The following IQSEC1 variants were observed in gnomAD, a reference collection of about 807,000 sequenced individuals.
The protein encoded by IQSEC1 is IQ motif and SEC7 domain-containing protein 1.
IQSEC1 carries 31 observed loss-of-function variants against 91.0 expected under a neutral mutation model. The ratio of observed to expected loss-of-function variants is 0.34; its 90% CI spans 0.26 to 0.46. The LOEUF (loss-of-function observed/expected upper bound fraction) is 0.46, where lower values mean the gene tolerates loss of function less well. IQSEC1 is among the 20% of genes least tolerant of loss of function. The pLI is 1.00. For missense variants in IQSEC1, 1,388 were observed against 1,575.6 expected (o/e 0.88, Z 2.02); for synonymous variants, 699 against 662.6 (o/e 1.05, Z -0.84).
At chr3:12,984,388 A>C (rs1190441207) in intron 1 of IQSEC1, among the ~76,000 whole-genome samples, 2 of 152,182 alleles carry the variant, frequency 1.3e-5, no homozygotes, top group Non-Finnish European at 2.9e-5. Flanking sequence ...ATACAGCCCC[A>C]CAGGCCCAGG....
In IQSEC1 at chr3:12,924,117, G is replaced by T. The variant is rs1696895558; in HGVS notation, c.1730+464C>A. On this transcript the variant is annotated intron_variant, in intron 4 of 13. Transcript: ENST00000613206. This position sits in a 1 kb window ranked among gnomAD's most constrained non-coding sequence, Gnocchi z 6.3. ...ATCTGACTCCCCACCACTCTCCCCA[G>T]GGGTGAGTCAGGAGCAAACAGGGCA... Among the ~76,000 whole-genome samples, 1 of 152,196 alleles carries T rather than the reference G, an allele frequency of 6.6e-6. No homozygotes were observed. The highest frequency in any genetic ancestry group is 1.5e-5 in the Non-Finnish European group (1 of 68,036).
chr3:13,135,796 C>T (rs767103283), intron 2 of IQSEC1, among the ~76,000 whole-genome samples: 3 of 152,284 alleles, frequency 2.0e-5, no homozygotes, highest in African/African-American at 7.2e-5. Flanking sequence ...CTGGGTCAGC[C>T]AGCAGAGCCA....
intron 2 of IQSEC1, among the ~76,000 whole-genome samples, chr3:13,146,193 C>A (rs1052919732): frequency 3.3e-5 from 5 of 151,696 alleles, no homozygotes; most frequent in Non-Finnish European, 5.9e-5. Flanking sequence ...GGCTATGTTG[C>A]CCAGGCTGGT....
intron 1 of IQSEC1, among the ~76,000 whole-genome samples, chr3:13,268,146 CCT>C (rs1695529430): frequency 6.6e-6 from 1 of 152,204 alleles, no homozygotes. Context: ...AATGCACACC[CCT>C]GAGCAGAGCC....
chr3:13,001,922 G>C (rs1449708365), intron 1 of IQSEC1, among the ~76,000 whole-genome samples: 1 of 152,102 alleles, frequency 6.6e-6, no homozygotes, highest in African/African-American at 2.4e-5. Flanking sequence ...AGCCAGGCGT[G>C]GTGGTGTGCA....
chr3:13,229,337 T>C (rs1307654267), intron 1 of IQSEC1, among the ~76,000 whole-genome samples: 3 of 152,240 alleles, frequency 2.0e-5, no homozygotes, highest in Admixed American at 2.0e-4. Flanking sequence ...AGCTACTGCA[T>C]AAATGTACTC....
At chr3:13,114,930 C>G (rs928546149) in intron 2 of IQSEC1, among the ~76,000 whole-genome samples, 1 of 152,144 alleles carries the variant, frequency 6.6e-6, no homozygotes, top group East Asian at 1.9e-4. Context: ...CCGGTAGGGC[C>G]CATGCACGGT....
intron 1 of IQSEC1, among the ~76,000 whole-genome samples, chr3:12,944,411 A>C (rs1409501045): frequency 6.6e-6 from 1 of 152,248 alleles, no homozygotes; most frequent in African/African-American, 2.4e-5. Context: ...CCAGAGCCTC[A>C]GGTTGCAGGG....
chr3:12,964,482 T>G (rs1430562433), intron 1 of IQSEC1, among the ~76,000 whole-genome samples: 1 of 152,114 alleles, frequency 6.6e-6, no homozygotes, highest in East Asian at 1.9e-4. Context: ...ATCCAGCGGG[T>G]CATTGGTGCC....
In IQSEC1 at chr3:12,899,685, A is replaced by G. The variant is rs1694028630; in HGVS notation, c.*1298T>C. ...CACATGGCTACATGGAATTACGGTG[A>G]TCACTGCTACCACTCAGAAAACAAA... On this transcript the variant is annotated 3_prime_UTR_variant, in exon 14 of 14. Coordinates refer to ENST00000613206, the MANE Select transcript of IQSEC1 (RefSeq NM_001134382.3). The G allele has an allele frequency of 1.0e-6, 1 of 985,314 alleles. No individual in the cohort carries two copies. Among genetic ancestry groups the G allele is most frequent in the Non-Finnish European group, 1.2e-6 (1 of 829,940 alleles). The allele number at this position is 985,314 out of a possible 1,614,324, so 61.0% of individuals were successfully genotyped here. A position where few individuals can be genotyped will look rare whatever the true frequency, so the allele number is the denominator to read the frequency against.
At chr3:13,227,249 G>A (rs1279815854) in intron 1 of IQSEC1, among the ~76,000 whole-genome samples, 5 of 151,590 alleles carry the variant, frequency 3.3e-5, no homozygotes, top group African/African-American at 9.7e-5. Flanking sequence ...GGTGGCGGGC[G>A]CCTATAATCC....
At chr3:13,005,985 C>G (rs995244958) in intron 1 of IQSEC1, among the ~76,000 whole-genome samples, 12 of 152,230 alleles carry the variant, frequency 7.9e-5, no homozygotes, top group African/African-American at 2.9e-4. Flanking sequence ...AACTTAAGGG[C>G]TCTTCAAGGG....
chr3:13,139,726 T>C (rs1297660534), intron 2 of IQSEC1, among the ~76,000 whole-genome samples: 1 of 152,166 alleles, frequency 6.6e-6, no homozygotes, highest in Non-Finnish European at 1.5e-5. Flanking sequence ...GACAGAACCT[T>C]AAGGCAAGTC....
intron 1 of IQSEC1, among the ~76,000 whole-genome samples, chr3:12,946,152 G>A (rs921459098): frequency 9.9e-5 from 15 of 152,170 alleles, no homozygotes; most frequent in African/African-American, 3.1e-4. Context: ...TCTCTAGGTG[G>A]GACTTTTGGG....
intron 1 of IQSEC1, among the ~76,000 whole-genome samples, chr3:12,998,278 G>A (rs1576139585): frequency 6.6e-6 from 1 of 152,182 alleles, no homozygotes; most frequent in Middle Eastern, 3.4e-3. Context: ...TGAACCAGGG[G>A]AGACTGAGGC....
intron 2 of IQSEC1, among the ~76,000 whole-genome samples, chr3:13,107,722 A>T (rs1193652667): frequency 2.0e-5 from 3 of 152,168 alleles, no homozygotes. Flanking sequence ...GGTGGGGACC[A>T]CTCAATTGAC....
rs751970805 is a variant in IQSEC1, at chr3:12,920,410, G to A, written c.2020+20C>T. 16 of 1,608,724 alleles carry A rather than the reference G, an allele frequency of 9.9e-6. No homozygotes were observed. Among genetic ancestry groups the A allele is most frequent in the East Asian group, 4.5e-5 (2 of 44,770 alleles). ...TGCTGGAGCAAATCTGTGGCTGGCCGACCGCCTGAGACAGCTCACCTCGGA... is the reference window on the plus strand; with the variant it reads ...TGCTGGAGCAAATCTGTGGCTGGCCAACCGCCTGAGACAGCTCACCTCGGA... On this transcript the variant is annotated intron_variant, in intron 6 of 13. Transcript: ENST00000613206.
chr3:12,977,671 C>T (rs1208599118), intron 1 of IQSEC1, among the ~76,000 whole-genome samples: 1 of 152,164 alleles, frequency 6.6e-6, no homozygotes. Context: ...AATGCAGGGC[C>T]TCTGCTGTAA....
chr3:12,974,666 G>C (rs574632311), intron 1 of IQSEC1, among the ~76,000 whole-genome samples: 3 of 152,244 alleles, frequency 2.0e-5, no homozygotes, highest in Non-Finnish European at 4.4e-5. Flanking sequence ...TATCGGTAGA[G>C]GACCGTTCCC....
Sources: gnomAD v4.1 joint callset for allele counts (sites outside exome capture counted in the v4.1 genomes callset) on GRCh38, gnomAD v4.1.1 for gene constraint, Gnocchi (gnomAD v3.1) non-coding constraint, MANE v1.5 for transcripts, NCBI Gene and HGNC (gene_info 2026-07-23, HGNC 2026-07-21) for gene names.